TTC1: variants seen among roughly 807,000 people sequenced by gnomAD.
The protein encoded by TTC1 is tetratricopeptide repeat protein 1.
A neutral mutation model predicts 37.6 loss-of-function variants in TTC1; 31 were observed. The observed-to-expected ratio is 0.82, with a 90% CI of 0.62 to 1.11. The LOEUF (loss-of-function observed/expected upper bound fraction) is 1.11. Ranked by LOEUF, TTC1 falls within the 50% of genes most tolerant of loss-of-function variation. TTC1 has a pLI of 0.00. For synonymous variants in TTC1, 127 were observed against 122.4 expected (o/e 1.04, Z -0.25); for missense variants, 351 against 339.0 (o/e 1.04, Z -0.28).
intron 2 of TTC1, among the ~76,000 whole-genome samples, chr5:160,033,222 C>T (rs184353308): frequency 6.6e-6 from 1 of 152,192 alleles, no homozygotes; most frequent in African/African-American, 2.4e-5. Context: ...TAAATATGGC[C>T]ATATTCTTAT....
rs1295445717 is a variant in TTC1 at position 160,057,509 on chromosome 5, C to T, written c.745+6326C>T. 6.6e-6 allele frequency among the ~76,000 whole-genome samples: 1 copy of T among 152,114 alleles called. No homozygotes were observed. The highest frequency in any genetic ancestry group is 2.4e-5 in the African/African-American group (1 of 41,428). ...TTGTAATCATTTTGCTGCTGGAGGG[C>T]CTTGCCTCCACGTGGATGGTTGCTG... On this transcript the variant is annotated intron_variant, in intron 7 of 7. Transcript: ENST00000231238. The surrounding 1 kb of genome is among the most constrained non-coding windows in gnomAD (Gnocchi z 4.4).
intron 2 of TTC1, among the ~76,000 whole-genome samples, chr5:160,017,104 A>G (rs1756619708): frequency 6.6e-6 from 1 of 152,216 alleles, no homozygotes; most frequent in Non-Finnish European, 1.5e-5. Flanking sequence ...AACATTTGAG[A>G]TGTACTAGGT....
chr5:160,063,668 G>A (rs1321059190), intron 7 of TTC1: 1 of 152,214 alleles, frequency 6.6e-6, no homozygotes, highest in Non-Finnish European at 1.5e-5. Context: ...TCCACTGGAA[G>A]TAGACCTGTA....
intron 2 of TTC1, 88 bp from the exon 3 acceptor site, chr5:160,035,052 A>T: frequency 8.6e-7 from 1 of 1,159,998 alleles, no homozygotes; most frequent in Non-Finnish European, 1.2e-6. Context: ...GTTGCCTATT[A>T]AATAGACTTG....
At chr5:160,043,025 A>G (rs1262742318) in intron 4 of TTC1, 108 bp from the exon 5 acceptor site, 1 of 1,155,338 alleles carries the variant, frequency 8.7e-7, no homozygotes, top group Non-Finnish European at 1.2e-6. Flanking sequence ...TTTGAAAACC[A>G]TTCTGTATCT....
chr5:160,029,473 C>A (rs925884523), intron 2 of TTC1, among the ~76,000 whole-genome samples: 2 of 133,686 alleles, frequency 1.5e-5, no homozygotes, highest in Admixed American at 7.8e-5. Context: ...GAGACCCCCC[C>A]ATCTCTACAA....
intron 2 of TTC1, among the ~76,000 whole-genome samples, chr5:160,032,683 C>A (rs942935881): frequency 7.0e-6 from 1 of 143,722 alleles, no homozygotes; most frequent in Non-Finnish European, 1.5e-5. Context: ...ACAGAGCCTC[C>A]TTGAGTTCTA....
chr5:160,017,172 A>C (rs908385422), intron 2 of TTC1, among the ~76,000 whole-genome samples: 7 of 152,244 alleles, frequency 4.6e-5, no homozygotes, highest in Non-Finnish European at 8.8e-5. Flanking sequence ...CAAATGTAGC[A>C]GCAGAAGAGA....
At chr5:160,016,991 C>CAA (rs148923142) in intron 2 of TTC1, among the ~76,000 whole-genome samples, 2,508 of 152,274 alleles carry the variant, frequency 0.016, 47 homozygotes, top group African/African-American at 0.041. Flanking sequence ...GAAAAGCTCT[C>CAA]AGAGAGTATA....
chr5:160,023,644 C>G (rs1756751949), intron 2 of TTC1: 1 of 1,049,696 alleles, frequency 9.5e-7, no homozygotes, highest in Non-Finnish European at 1.4e-6. Flanking sequence ...ACACAGGTGA[C>G]TAAGCTTCCA....
At chr5:160,011,544 A>T (rs1042655268) in intron 2 of TTC1, among the ~76,000 whole-genome samples, 1 of 152,254 alleles carries the variant, frequency 6.6e-6, no homozygotes, top group South Asian at 2.1e-4. Flanking sequence ...CTAATTCTCA[A>T]ATCAAATCTG....
Position 160,010,654 on chromosome 5 carries a change from G to A in TTC1, c.126G>A (p.Gln42=). Residue 42 remains glutamine (Q), a synonymous_variant, in exon 2 of 8, where the codon CAG becomes CAA. Transcript: ENST00000231238. ...CTGATCCCAAAAATCAGCATTCCCA[G>A]AGTAAGCTGCTCAGGGATGATGAGG... ...PVPDPKNQHS[Q]SKLLRDDEAH... is the part of the protein sequence containing the mutation. 1.2e-6 allele frequency: 2 copies of A among 1,613,962 alleles called. No individual in the cohort carries two copies. The highest frequency in any genetic ancestry group is 1.7e-6 in the Non-Finnish European group (2 of 1,179,936).
intron 3 of TTC1, among the ~76,000 whole-genome samples, chr5:160,035,795 A>G (rs1554096068): frequency 6.6e-6 from 1 of 152,128 alleles, no homozygotes; most frequent in Non-Finnish European, 1.5e-5. Context: ...TGGGGTAACT[A>G]TTTGATCTTA....
intron 2 of TTC1, among the ~76,000 whole-genome samples, chr5:160,032,909 A>G (rs1398559241): frequency 6.6e-6 from 1 of 150,546 alleles, no homozygotes; most frequent in African/African-American, 2.4e-5. Flanking sequence ...TATTTTTAGT[A>G]GAGACAGGGT....
intron 5 of TTC1, among the ~76,000 whole-genome samples, chr5:160,045,798 A>G (rs1757227178): frequency 6.6e-6 from 1 of 151,742 alleles, no homozygotes; most frequent in Non-Finnish European, 1.5e-5. Context: ...GCTGGAGTGC[A>G]GTGGTGCCAT....
chr5:160,030,882 C>T (rs1036807690), intron 2 of TTC1, among the ~76,000 whole-genome samples: 27 of 152,266 alleles, frequency 1.8e-4, no homozygotes, highest in African/African-American at 5.3e-4. Flanking sequence ...AGCTTCTGTT[C>T]ATAGAACAGA....
intron 2 of TTC1, among the ~76,000 whole-genome samples, chr5:160,029,594 G>T (rs1181894688): frequency 2.0e-5 from 3 of 152,054 alleles, no homozygotes; most frequent in Non-Finnish European, 4.4e-5. Context: ...GCTGCAGTGA[G>T]CCATGATCTC....
chr5:160,015,273 A>T (rs1756580125), intron 2 of TTC1, among the ~76,000 whole-genome samples: 1 of 152,068 alleles, frequency 6.6e-6, no homozygotes. Flanking sequence ...CAGAGGTGCG[A>T]TCATAGTTCA....
At chr5:160,011,229 T>C (rs1001141907) in intron 2 of TTC1, among the ~76,000 whole-genome samples, 1 of 152,254 alleles carries the variant, frequency 6.6e-6, no homozygotes, top group African/African-American at 2.4e-5. Context: ...TTTATGTTTA[T>C]GCTACATTTA....
Sources: gnomAD v4.1 joint callset for allele counts (sites outside exome capture counted in the v4.1 genomes callset) on GRCh38, gnomAD v4.1.1 for gene constraint, Gnocchi (gnomAD v3.1) non-coding constraint, MANE v1.5 for transcripts, NCBI Gene and HGNC (gene_info 2026-07-23, HGNC 2026-07-21) for gene names.